The following AUTS2 variants were observed in gnomAD, a reference collection of about 807,000 sequenced individuals.
AUTS2 encodes the protein activator of transcription and developmental regulator AUTS2.
In AUTS2, 17 loss-of-function variants were observed where a neutral mutation model predicts 112.4. That is an observed-to-expected ratio of 0.15 (90% CI 0.10 to 0.23). AUTS2 has a LOEUF of 0.23. Ranked by LOEUF, AUTS2 falls within the 10% of genes least tolerant of loss-of-function variation. AUTS2 has a pLI of 1.00. For missense variants in AUTS2, 1,510 were observed against 1,701.6 expected (o/e 0.89, Z 1.98); for synonymous variants, 751 against 702.7 (o/e 1.07, Z -1.09).
intron 11 of AUTS2, 139 bp from the exon 12 acceptor site, chr7:70,773,889 G>A: frequency 1.3e-6 from 1 of 782,200 alleles, no homozygotes; most frequent in South Asian, 1.7e-5. Flanking sequence ...TGTGGTCCCT[G>A]AGAAAAATGA....
chr7:69,901,577 T>C (rs989060198), intron 2 of AUTS2, among the ~76,000 whole-genome samples: 12 of 152,362 alleles, frequency 7.9e-5, no homozygotes, highest in Admixed American at 3.3e-4. Context: ...AAATCAAAGC[T>C]ATCTTTGTTT....
At chr7:69,984,865 G>A in intron 2 of AUTS2, among the ~76,000 whole-genome samples, 1 of 152,146 alleles carries the variant, frequency 6.6e-6, no homozygotes, top group East Asian at 1.9e-4. Context: ...ATGAGGGGCT[G>A]GGCAACTTCT....
At chr7:70,513,055 G>A (rs62455781) in intron 5 of AUTS2, among the ~76,000 whole-genome samples, 6 of 152,190 alleles carry the variant, frequency 3.9e-5, no homozygotes, top group African/African-American at 1.4e-4. Flanking sequence ...TGGACAAAGT[G>A]CTAGTTTAAC....
intron 4 of AUTS2, among the ~76,000 whole-genome samples, chr7:70,241,320 T>C (rs1051653386): frequency 6.6e-6 from 1 of 152,204 alleles, no homozygotes; most frequent in Non-Finnish European, 1.5e-5. Flanking sequence ...AGGAAATTCA[T>C]TGCCTTAACA....
At chr7:69,723,649 C>T (rs1388304699) in intron 1 of AUTS2, among the ~76,000 whole-genome samples, 2 of 152,140 alleles carry the variant, frequency 1.3e-5, no homozygotes, top group Non-Finnish European at 2.9e-5. Flanking sequence ...TCCTGATTTT[C>T]TCATAGCCAC....
chr7:70,157,002 G>C (rs1280244730), intron 4 of AUTS2, among the ~76,000 whole-genome samples: 1 of 149,156 alleles, frequency 6.7e-6, no homozygotes, highest in Non-Finnish European at 1.5e-5. Flanking sequence ...GCTTGAACCT[G>C]GGAGGCAGAG....
chr7:69,907,348 G>A (rs574581177), intron 2 of AUTS2, among the ~76,000 whole-genome samples: 1 of 152,266 alleles, frequency 6.6e-6, no homozygotes, highest in South Asian at 2.1e-4. Flanking sequence ...GGAGTAAATG[G>A]TTATTTGTTC....
chr7:70,730,215 C>G (rs1208956125), intron 6 of AUTS2, among the ~76,000 whole-genome samples: 3 of 140,336 alleles, frequency 2.1e-5, no homozygotes, highest in Non-Finnish European at 4.6e-5. Context: ...AAAGGACAAC[C>G]AGTTTTTTTT....
chr7:69,655,114 T>G (rs887981866), intron 1 of AUTS2, among the ~76,000 whole-genome samples: 1 of 152,204 alleles, frequency 6.6e-6, no homozygotes, highest in African/African-American at 2.4e-5. Context: ...ATAGGGAAGC[T>G]TGTTGACCAT....
chr7:69,643,721 T>G (rs556071603), intron 1 of AUTS2, among the ~76,000 whole-genome samples: 1 of 152,242 alleles, frequency 6.6e-6, no homozygotes, highest in East Asian at 1.9e-4. Context: ...TTGTTCCAAT[T>G]GCAGCAGTAA....
intron 2 of AUTS2, among the ~76,000 whole-genome samples, chr7:69,945,302 C>G (rs1796766372): frequency 6.6e-6 from 1 of 152,146 alleles, no homozygotes. Context: ...GATCTACTTT[C>G]TGTCTGTGTG....
chr7:70,234,857 G>A (rs1191933243), intron 4 of AUTS2, among the ~76,000 whole-genome samples: 1 of 152,132 alleles, frequency 6.6e-6, no homozygotes, highest in African/African-American at 2.4e-5. Flanking sequence ...GGGAAAAACA[G>A]AGGCAGAGGC....
chr7:69,825,397 G>C (rs1441763908), intron 1 of AUTS2, among the ~76,000 whole-genome samples: 1 of 152,084 alleles, frequency 6.6e-6, no homozygotes, highest in Non-Finnish European at 1.5e-5. Flanking sequence ...GTGATTCTAG[G>C]GTATAACTGG....
chr7:70,763,383 C>G, intron 7 of AUTS2, 42 bp downstream of exon 7: 1 of 1,451,346 alleles, frequency 6.9e-7, no homozygotes, highest in Non-Finnish European at 9.3e-7. Context: ...TTGCCCTCTC[C>G]CTGGGGATCA....
chr7:69,922,443 C>T (rs919216107), intron 2 of AUTS2, among the ~76,000 whole-genome samples: 1 of 152,222 alleles, frequency 6.6e-6, no homozygotes, highest in Admixed American at 6.5e-5. Context: ...TTAGAAATGG[C>T]TTAAGCTTCG....
chr7:70,240,391 T>TG (rs1304382984), intron 4 of AUTS2, among the ~76,000 whole-genome samples: 1 of 152,200 alleles, frequency 6.6e-6, no homozygotes, highest in Non-Finnish European at 1.5e-5. Flanking sequence ...GTGGTTTTCA[T>TG]GGGGATTTTG....
chr7:70,503,881 A>G (rs1374644674), intron 5 of AUTS2, among the ~76,000 whole-genome samples: 1 of 151,038 alleles, frequency 6.6e-6, no homozygotes, highest in Non-Finnish European at 1.5e-5. Flanking sequence ...GCCAAAATGC[A>G]GAGAAAAGTT....
chr7:69,945,183 A>G (rs768781419), intron 2 of AUTS2, among the ~76,000 whole-genome samples: 2 of 152,210 alleles, frequency 1.3e-5, no homozygotes, highest in Non-Finnish European at 2.9e-5. Flanking sequence ...ATTCACAGAG[A>G]TGCAGCCATC....
chr7:69,621,352 T>C (rs1793649959), intron 1 of AUTS2, among the ~76,000 whole-genome samples: 1 of 152,182 alleles, frequency 6.6e-6, no homozygotes, highest in Admixed American at 6.5e-5. Flanking sequence ...ACTGGGACTT[T>C]CACTCTTTTT....
Sources: allele counts gnomAD v4.1 joint callset (sites outside exome capture counted in the v4.1 genomes callset), GRCh38; gene constraint gnomAD v4.1.1; transcripts MANE v1.5; gene names NCBI Gene and HGNC (gene_info 2026-07-23, HGNC 2026-07-21).